The following ZCCHC14 variants were observed in gnomAD, a reference collection of about 807,000 sequenced individuals.
ZCCHC14 encodes zinc finger CCHC domain-containing protein 14.
A neutral mutation model predicts 85.0 loss-of-function variants in ZCCHC14; 16 were observed. That is an observed-to-expected ratio of 0.19 (90% CI 0.13 to 0.29). The LOEUF (loss-of-function observed/expected upper bound fraction) is 0.29. Ranked by LOEUF, ZCCHC14 falls within the 10% of genes least tolerant of loss-of-function variation. The probability of loss-of-function intolerance (pLI) is 1.00; values close to 1 mark genes in which losing one functional copy is unlikely to be tolerated. For missense variants in ZCCHC14, 1,303 were observed against 1,443.5 expected (o/e 0.90, Z 1.58); for synonymous variants, 775 against 630.7 (o/e 1.23, Z -3.43).
intron 1 of ZCCHC14, among the ~76,000 whole-genome samples, chr16:87,460,926 T>TA (rs1251711524): frequency 6.6e-6 from 1 of 152,240 alleles, no homozygotes; most frequent in African/African-American, 2.4e-5. Flanking sequence ...AAGCATATCC[T>TA]AAAATTACAT....
intron 1 of ZCCHC14, among the ~76,000 whole-genome samples, chr16:87,482,615 A>G (rs925779196): frequency 1.3e-5 from 2 of 152,238 alleles, no homozygotes; most frequent in Admixed American, 1.3e-4. Flanking sequence ...AGAGTATCCA[A>G]TGAACCTGGC....
chr16:87,481,324 T>C (rs1225371437), intron 1 of ZCCHC14, among the ~76,000 whole-genome samples: 1 of 152,034 alleles, frequency 6.6e-6, no homozygotes, highest in Non-Finnish European at 1.5e-5. Flanking sequence ...CTTTAAACAA[T>C]GACATCAACT....
In ZCCHC14 at chr16:87,492,761, C is replaced by T. The variant is rs893202597; in HGVS notation, c.-523G>A. On this transcript the variant is annotated 5_prime_UTR_variant, in exon 1 of 13. Transcript: ENST00000671377. The surrounding 1 kb of genome is among the most constrained non-coding windows in gnomAD (Gnocchi z 6.7). Reference sequence around the variant, plus strand: ...CGGCCGTTACCCCGGGCCGCGGGCGCGGCGTCGCCGCCTGGGGAGCGCTGG... The same window carrying T: ...CGGCCGTTACCCCGGGCCGCGGGCGTGGCGTCGCCGCCTGGGGAGCGCTGG... 8.2e-5 allele frequency: 12 copies of T among 146,600 alleles called. No homozygotes were observed. The highest frequency in any genetic ancestry group is 2.9e-4 in the African/African-American group (12 of 40,812). 9.1% of individuals were successfully genotyped at this position (146,600 alleles called of 1,614,324 possible).
intron 3 of ZCCHC14, among the ~76,000 whole-genome samples, chr16:87,425,570 C>T (rs1453518779): frequency 6.7e-6 from 1 of 149,500 alleles, no homozygotes; most frequent in South Asian, 2.1e-4. Flanking sequence ...GAGCGAAACT[C>T]TATCAAAAAA....
intron 8 of ZCCHC14, 142 bp from the exon 9 acceptor site, chr16:87,415,509 G>A: frequency 1.4e-6 from 1 of 701,030 alleles, no homozygotes; most frequent in Admixed American, 2.7e-5. Context: ...ATTACAAGCT[G>A]GGAAATCCTA....
chr16:87,436,102 A>G (rs1002758159), intron 2 of ZCCHC14, among the ~76,000 whole-genome samples: 1 of 152,240 alleles, frequency 6.6e-6, no homozygotes, highest in Admixed American at 6.5e-5. Flanking sequence ...ATGTCCCAGG[A>G]CTGAATAATA....
intron 7 of ZCCHC14, among the ~76,000 whole-genome samples, chr16:87,418,099 G>A (rs1908891092): frequency 1.3e-5 from 2 of 152,204 alleles, no homozygotes; most frequent in Non-Finnish European, 1.5e-5. Flanking sequence ...TGCTTTAGCT[G>A]CCAAGTTTCT....
chr16:87,483,183 C>T (rs895981407), intron 1 of ZCCHC14, among the ~76,000 whole-genome samples: 1 of 151,728 alleles, frequency 6.6e-6, no homozygotes, highest in South Asian at 2.1e-4. Flanking sequence ...CCCAGCCAGG[C>T]GCAGTGGCTC....
In ZCCHC14 at chr16:87,492,002, C is replaced by G; in HGVS notation, c.237G>C (p.Thr79=). The G allele has an allele frequency of 7.2e-7, 1 of 1,393,408 alleles. No individual in the cohort carries two copies. Among genetic ancestry groups the G allele is most frequent in the Non-Finnish European group, 9.3e-7 (1 of 1,078,712 alleles). The allele number at this position is 1,393,408 out of a possible 1,614,324, so 86.3% of individuals were successfully genotyped here. The change falls in exon 1 of 13, where the codon ACG becomes ACC. Residue 79 remains threonine, a synonymous_variant. Coordinates refer to ENST00000671377, the MANE Select transcript of ZCCHC14 (RefSeq NM_015144.3). This position sits in a 1 kb window ranked among gnomAD's most constrained non-coding sequence, Gnocchi z 6.7. ...GCAGCTTGCTGCGCACCACCTCGTC[C>G]GTCAGGTTGGTGAGGCTGCCCAGGT... ...PADLGSLTNL[T]DEVVRSKLLV...
intron 1 of ZCCHC14, among the ~76,000 whole-genome samples, chr16:87,463,235 A>G (rs1241838176): frequency 6.6e-6 from 1 of 152,130 alleles, no homozygotes; most frequent in African/African-American, 2.4e-5. Flanking sequence ...CACAAAAATT[A>G]GCTGGGTGTC....
chr16:87,467,041 AATT>A (rs1438970442), intron 1 of ZCCHC14: 2 of 410,352 alleles, frequency 4.9e-6, no homozygotes, highest in Middle Eastern at 6.9e-4. Context: ...GAAAAAAAAA[AATT>A]GTTTTTTTTT....
At chr16:87,449,398 C>T (rs1391423165) in intron 2 of ZCCHC14, among the ~76,000 whole-genome samples, 1 of 152,066 alleles carries the variant, frequency 6.6e-6, no homozygotes, top group African/African-American at 2.4e-5. Flanking sequence ...GGGGGAAGGG[C>T]ACCATGGTTC....
chr16:87,490,081 A>G (rs1175575046), intron 1 of ZCCHC14, among the ~76,000 whole-genome samples: 2 of 152,258 alleles, frequency 1.3e-5, no homozygotes, highest in African/African-American at 2.4e-5. Flanking sequence ...AGCCTGAAAT[A>G]CAGGGTGGGA....
intron 2 of ZCCHC14, among the ~76,000 whole-genome samples, chr16:87,437,010 C>A (rs1909956850): frequency 6.6e-6 from 1 of 152,120 alleles, no homozygotes; most frequent in African/African-American, 2.4e-5. Flanking sequence ...CCCTGGTCAG[C>A]CCCACTGCCT....
At position 87,491,084 on chromosome 16, in the gene ZCCHC14, T is replaced by G. The variant is rs545442184; in HGVS notation, c.570+585A>C. On this transcript the variant is annotated intron_variant, in intron 1 of 12. Coordinates refer to ENST00000671377, the MANE Select transcript of ZCCHC14 (RefSeq NM_015144.3). The surrounding 1 kb of genome is among the most constrained non-coding windows in gnomAD (Gnocchi z 5.9). ...ATTTGGGGAAACCAAGGCGCCGCAA[T>G]GTGTGTTATCTGTCACCCAAGGGCC... Among the ~76,000 whole-genome samples the G allele has an allele frequency of 2.5e-4, 38 of 152,304 alleles. No homozygotes were observed. Among genetic ancestry groups the G allele is most frequent in the Non-Finnish European group, 4.0e-4 (27 of 68,012 alleles).
intron 1 of ZCCHC14, among the ~76,000 whole-genome samples, chr16:87,478,365 TG>T (rs933826057): frequency 1.3e-5 from 2 of 152,116 alleles, no homozygotes; most frequent in African/African-American, 4.8e-5. Context: ...TGATCAGTGG[TG>T]GAAAACAATA....
At chr16:87,485,213 C>A (rs1329226421) in intron 1 of ZCCHC14, among the ~76,000 whole-genome samples, 1 of 152,180 alleles carries the variant, frequency 6.6e-6, no homozygotes, top group Non-Finnish European at 1.5e-5. Context: ...TCAGACATGA[C>A]ACACGGCTGC....
At chr16:87,411,134 C>T (rs527660449) in intron 12 of ZCCHC14, among the ~76,000 whole-genome samples, 44 of 152,230 alleles carry the variant, frequency 2.9e-4, no homozygotes, top group Admixed American at 7.2e-4. Context: ...GAGGGGACAG[C>T]GAGCCCCACC....
chr16:87,487,846 C>T (rs1423293363), intron 1 of ZCCHC14, among the ~76,000 whole-genome samples: 1 of 152,142 alleles, frequency 6.6e-6, no homozygotes, highest in Non-Finnish European at 1.5e-5. Flanking sequence ...CATGGACGGG[C>T]CCTGACATCA....
Sources: gnomAD v4.1 joint callset for allele counts (sites outside exome capture counted in the v4.1 genomes callset) on GRCh38, gnomAD v4.1.1 for gene constraint, Gnocchi (gnomAD v3.1) non-coding constraint, MANE v1.5 for transcripts, NCBI Gene and HGNC (gene_info 2026-07-23, HGNC 2026-07-21) for gene names.